Variants in GLI3 observed in about 807,000 individuals in gnomAD.
GLI3 encodes the protein GLI family zinc finger 3.
GLI3 carries 20 observed loss-of-function variants against 100.8 expected under a neutral mutation model. The observed-to-expected ratio is 0.20, with a 90% CI of 0.14 to 0.29. GLI3 has a LOEUF of 0.29. GLI3 is among the 10% of genes least tolerant of loss of function. The pLI is 1.00. For synonymous variants in GLI3, 938 were observed against 860.5 expected (o/e 1.09, Z -1.58); for missense variants, 2,040 against 2,128.5 (o/e 0.96, Z 0.82).
intron 1 of GLI3, among the ~76,000 whole-genome samples, chr7:42,247,920 C>A (rs926822099): frequency 2.0e-5 from 3 of 152,196 alleles, no homozygotes; most frequent in East Asian, 1.9e-4. Context: ...GGTAGAATAA[C>A]AATGCTGCTT....
intron 3 of GLI3, among the ~76,000 whole-genome samples, chr7:42,116,982 A>G (rs1231280350): frequency 6.6e-6 from 1 of 152,218 alleles, no homozygotes; most frequent in Non-Finnish European, 1.5e-5. Flanking sequence ...TCACTTGTGA[A>G]CTAAACAGTG....
intron 2 of GLI3, among the ~76,000 whole-genome samples, chr7:42,159,948 T>C (rs942305930): frequency 6.6e-6 from 1 of 152,290 alleles, no homozygotes; most frequent in Middle Eastern, 3.4e-3. Context: ...TCAACTGCCA[T>C]GTAGTATAAT....
chr7:42,073,769 A>G (rs888253956), intron 4 of GLI3, among the ~76,000 whole-genome samples: 1 of 152,238 alleles, frequency 6.6e-6, no homozygotes, highest in Non-Finnish European at 1.5e-5. Flanking sequence ...TTGTGTGTAC[A>G]AAATAATGAT....
chr7:42,182,636 A>G (rs921283912), intron 2 of GLI3, among the ~76,000 whole-genome samples: 17 of 82,686 alleles, frequency 2.1e-4, no homozygotes, highest in Non-Finnish European at 3.0e-4. Flanking sequence ...GCATATGTAT[A>G]TGTGTGTGTA....
At chr7:42,105,851 G>A (rs757167375) in intron 3 of GLI3, among the ~76,000 whole-genome samples, 9 of 152,058 alleles carry the variant, frequency 5.9e-5, no homozygotes, top group East Asian at 1.9e-4. Context: ...GCACCTCCAC[G>A]TCTGCAGTCA....
intron 4 of GLI3, among the ~76,000 whole-genome samples, chr7:42,051,796 T>C (rs1784358598): frequency 6.6e-6 from 1 of 152,018 alleles, no homozygotes; most frequent in Non-Finnish European, 1.5e-5. Context: ...ATTATCAACA[T>C]CTTCTACCAG....
intron 10 of GLI3, among the ~76,000 whole-genome samples, chr7:42,010,858 C>A (rs1208087872): frequency 1.3e-5 from 2 of 152,156 alleles, no homozygotes; most frequent in Non-Finnish European, 2.9e-5. Flanking sequence ...CTTGCTAGAC[C>A]TCCTTGTAGT....
intron 1 of GLI3, among the ~76,000 whole-genome samples, chr7:42,261,901 T>TTCCCTCCCTTCC (rs1789144235): frequency 7.3e-6 from 1 of 136,448 alleles, no homozygotes; most frequent in Non-Finnish European, 1.6e-5. Context: ...CTTCCCTTCC[T>TTCCCTCCCTTCC]TTCCCTCCCT....
At position 42,105,945 on chromosome 7, in the gene GLI3, G is replaced by A. The variant is rs1785564242; in HGVS notation, c.368-29088C>T. ...CCAAGGGGCCCAGACACCCCACCAG[G>A]AAATCAAATTTCTCAGTACATACCT... On this transcript the variant is annotated intron_variant, in intron 3 of 14. Coordinates refer to ENST00000395925, the MANE Select transcript of GLI3 (RefSeq NM_000168.6). Among the ~76,000 whole-genome samples, 5 of 152,278 alleles carry A rather than the reference G, an allele frequency of 3.3e-5. No homozygotes were observed. In the South Asian group the frequency reaches 1.0e-3, roughly 32 times the overall value.
chr7:42,195,630 C>G (rs374562081), intron 2 of GLI3, among the ~76,000 whole-genome samples: 1 of 152,188 alleles, frequency 6.6e-6, no homozygotes. Context: ...CAGTGTTGCT[C>G]TATTGCGGCA....
At chr7:41,997,057 CTCCCGTAA>C (rs1788145500) in intron 10 of GLI3, among the ~76,000 whole-genome samples, 2 of 152,218 alleles carry the variant, frequency 1.3e-5, no homozygotes, top group East Asian at 3.8e-4. Flanking sequence ...GGGAGAGACA[CTCCCGTAA>C]TCTCAGCTGT....
intron 2 of GLI3, among the ~76,000 whole-genome samples, chr7:42,190,153 A>C (rs1464599952): frequency 6.8e-6 from 1 of 146,024 alleles, no homozygotes; most frequent in African/African-American, 2.5e-5. Flanking sequence ...AAAAAAAAAA[A>C]CAGTATATGG....
chr7:42,066,902 T>G (rs1409411021), intron 4 of GLI3, among the ~76,000 whole-genome samples: 1 of 152,184 alleles, frequency 6.6e-6, no homozygotes, highest in African/African-American at 2.4e-5. Context: ...CCCTCTTGAC[T>G]ACTTCCTTTA....
chr7:42,171,575 G>A (rs1787373586), intron 2 of GLI3, among the ~76,000 whole-genome samples: 1 of 152,158 alleles, frequency 6.6e-6, no homozygotes, highest in Non-Finnish European at 1.5e-5. Flanking sequence ...TATTGCTTTT[G>A]TTATTAGAAA....
intron 2 of GLI3, among the ~76,000 whole-genome samples, chr7:42,167,731 G>A (rs1284179582): frequency 6.6e-6 from 1 of 152,122 alleles, no homozygotes; most frequent in Non-Finnish European, 1.5e-5. Flanking sequence ...GGTAAGGACT[G>A]CATTTGCCAC....
At chr7:42,172,604 G>A (rs41303390) in intron 2 of GLI3, 22 of 702,916 alleles carry the variant, frequency 3.1e-5, no homozygotes, top group East Asian at 5.4e-5. Flanking sequence ...TGGCTGAGTC[G>A]TTTGTGCAGC....
intron 1 of GLI3, among the ~76,000 whole-genome samples, chr7:42,236,244 T>C (rs1788790092): frequency 6.6e-6 from 1 of 152,120 alleles, no homozygotes. Context: ...CTCAAGAAAG[T>C]AACTGTCCCC....
chr7:41,972,332 C>T lies in GLI3; in HGVS notation c.2103+5G>A. Reference sequence around the variant, plus strand: ...GTGAAGTCAGAAGGAGAGTGAATGACATACCATTGGCTTCTCTGCCTTGAC... The same window carrying T: ...GTGAAGTCAGAAGGAGAGTGAATGATATACCATTGGCTTCTCTGCCTTGAC... On this transcript the variant is annotated splice_donor_5th_base_variant and intron_variant, in intron 13 of 14. Coordinates refer to ENST00000395925, the MANE Select transcript of GLI3 (RefSeq NM_000168.6). This position sits in a 1 kb window ranked among gnomAD's most constrained non-coding sequence, Gnocchi z 4.4. 1 of 1,613,364 alleles carries T rather than the reference C, an allele frequency of 6.2e-7. No homozygotes were observed. Among genetic ancestry groups the T allele is most frequent in the Non-Finnish European group, 8.5e-7 (1 of 1,179,504 alleles).
chr7:41,970,601 A>G (rs1003193334), intron 13 of GLI3, among the ~76,000 whole-genome samples: 1 of 152,140 alleles, frequency 6.6e-6, no homozygotes, highest in African/African-American at 2.4e-5. Context: ...TATTTCACAC[A>G]TTGGGACATC....
Sources: allele counts gnomAD v4.1 joint callset (sites outside exome capture counted in the v4.1 genomes callset), GRCh38; gene constraint gnomAD v4.1.1; non-coding constraint Gnocchi (gnomAD v3.1); transcripts MANE v1.5; gene names NCBI Gene and HGNC (gene_info 2026-07-23, HGNC 2026-07-21).